The following PTCH1 variants were observed in gnomAD, a reference collection of about 807,000 sequenced individuals.
PTCH1 encodes protein patched homolog 1.
Under a neutral mutation model 144.6 loss-of-function variants are expected in PTCH1, and 14 were observed. The ratio of observed to expected loss-of-function variants is 0.10; its 90% CI spans 0.06 to 0.15. PTCH1 has a LOEUF of 0.15. Ranked by LOEUF, PTCH1 falls within the 10% of genes least tolerant of loss-of-function variation. The pLI is 1.00. For missense variants in PTCH1, 1,623 were observed against 1,948.3 expected (o/e 0.83, Z 3.14); for synonymous variants, 833 against 793.6 (o/e 1.05, Z -0.83).
rs574688 is a variant in PTCH1 at position 95,476,908 on chromosome 9, G to C, written c.1504-51C>G. 381,992 of 1,546,270 alleles carry C rather than the reference G, an allele frequency of 0.25. 50,096 individuals carry two copies. The highest frequency in any genetic ancestry group is 0.27 in the South Asian group (23,913 of 87,464). Reference sequence around the variant, plus strand: ...CATTAGACATGCGAGATGCAATTCAGATGATTCTAAAGCTAGTTAGGACTC... The same window carrying C: ...CATTAGACATGCGAGATGCAATTCACATGATTCTAAAGCTAGTTAGGACTC... On this transcript the variant is annotated intron_variant, in intron 10 of 23. Transcript: ENST00000331920. This position sits in a 1 kb window ranked among gnomAD's most constrained non-coding sequence, Gnocchi z 4.6.
In PTCH1 at chr9:95,446,342, G is replaced by C; in HGVS notation, c.*51C>G. The C allele has an allele frequency of 7.7e-6, 4 of 517,794 alleles. No individual in the cohort carries two copies. The highest frequency in any genetic ancestry group is 1.2e-5 in the Non-Finnish European group (3 of 259,450). The allele number at this position is 517,794 out of a possible 1,614,324, so 32.1% of individuals were successfully genotyped here. The stretch of plus-strand genomic sequence containing the variant: ...TTCAAGCAGTTCTGGAAAGAGGTGG[G>C]GGTGGGGGGTTTCCAATCTTTGGCC... On this transcript the variant is annotated 3_prime_UTR_variant, in exon 24 of 24. Coordinates refer to ENST00000331920, the MANE Select transcript of PTCH1 (RefSeq NM_000264.5).
At chr9:95,491,780 C>G (rs1362976773) in intron 2 of PTCH1, among the ~76,000 whole-genome samples, 6 of 152,190 alleles carry the variant, frequency 3.9e-5, no homozygotes, top group African/African-American at 1.4e-4. Flanking sequence ...CCAAAACCTT[C>G]CTGAGTGCCA....
At chr9:95,457,881 A>G in intron 18 of PTCH1, 132 bp downstream of exon 18, 2 of 1,269,460 alleles carry the variant, frequency 1.6e-6, no homozygotes. Context: ...CCTCGAGTAG[A>G]ATAAACATAT....
At position 95,453,113 on chromosome 9, in the gene PTCH1, C is replaced by A. The variant is rs141384236; in HGVS notation, c.3449+365G>T. ...ACCAGATACAGAAGGAAATAAGCAA[C>A]GAAGATCACCTGAGCTAATAACAAT... is the stretch of plus-strand genomic sequence containing the variant. On this transcript the variant is annotated intron_variant, in intron 20 of 23. Transcript: ENST00000331920. 153 of 344,590 alleles carry A rather than the reference C, an allele frequency of 4.4e-4. 1 individual carries two copies. Among genetic ancestry groups the A allele is most frequent in the African/African-American group, 2.9e-3 (135 of 46,842 alleles). 21.3% of individuals were successfully genotyped at this position (344,590 alleles called of 1,614,324 possible).
chr9:95,514,442 T>C (rs1373180871), intron 1 of PTCH1: 1 of 152,238 alleles, frequency 6.6e-6, no homozygotes, highest in South Asian at 2.1e-4. Context: ...CATGATCCCT[T>C]TGACCCACTG....
intron 2 of PTCH1, among the ~76,000 whole-genome samples, chr9:95,493,152 C>T (rs1339982284): frequency 6.6e-6 from 1 of 152,202 alleles, no homozygotes; most frequent in South Asian, 2.1e-4. Context: ...GAGGCCCATA[C>T]TTCTAGGCCA....
chr9:95,447,396 T>C lies in PTCH1; in HGVS notation c.3860A>G (p.His1287Arg). The C allele has an allele frequency of 6.2e-7, 1 of 1,609,122 alleles. No individual in the cohort carries two copies. Among genetic ancestry groups the C allele is most frequent in the Non-Finnish European group, 8.5e-7 (1 of 1,177,666 alleles). ...HPPSNPRQQPHLDSGSLPPGR... is the reference protein window; with the variant it reads ...HPPSNPRQQPRLDSGSLPPGR... ...GGGAGGCAGGGACCCTGAGTCCAGG[T>C]GGGGCTGCTGTCTCGGGTTCGAGGG... is the stretch of plus-strand genomic sequence containing the variant. The change falls in exon 23 of 24, where the codon CAC (histidine) becomes CGC (arginine). Residue 1287 changes from histidine (H) to arginine (R), a missense_variant. Around this residue, in one of 7 missense-constraint regions of PTCH1, gnomAD observed 291 missense variants for 287.4 expected, o/e 1.01. Transcript: ENST00000331920.
intron 9 of PTCH1, 44 bp downstream of exon 9, chr9:95,478,011 C>G: frequency 6.2e-7 from 1 of 1,613,980 alleles, no homozygotes; most frequent in Non-Finnish European, 8.5e-7. Context: ...ACTAAAACAA[C>G]CAAACCAAAC....
chr9:95,510,332 C>G (rs897536553), upstream of PTCH1, among the ~76,000 whole-genome samples: 1 of 152,070 alleles, frequency 6.6e-6, no homozygotes, highest in African/African-American at 2.4e-5. Flanking sequence ...ATAAATGCCC[C>G]GATGCTGGAT....
intron 1 of PTCH1, among the ~76,000 whole-genome samples, chr9:95,515,347 C>T (rs942254724): frequency 2.0e-5 from 3 of 152,148 alleles, no homozygotes; most frequent in African/African-American, 7.2e-5. Flanking sequence ...TTTTGTATTT[C>T]TCCTCCCCAG....
intron 7 of PTCH1, chr9:95,479,718 T>C (rs1374428697): frequency 5.0e-6 from 3 of 599,266 alleles, no homozygotes; most frequent in African/African-American, 3.7e-5. Flanking sequence ...GCAGATCTCC[T>C]TAAACCCTAT....
chr9:95,477,913 A>G, intron 9 of PTCH1, 142 bp downstream of exon 9: 1 of 1,502,464 alleles, frequency 6.7e-7, no homozygotes, highest in Non-Finnish European at 9.1e-7. Flanking sequence ...CCACTTTTAA[A>G]CCACTGTGAA....
chr9:95,480,207 A>G, intron 6 of PTCH1, 117 bp from the exon 7 acceptor site: 1 of 1,557,904 alleles, frequency 6.4e-7, no homozygotes, highest in Non-Finnish European at 8.8e-7. Context: ...TAGCAAGGCT[A>G]ATGGGAGGTG....
intron 12 of PTCH1, chr9:95,474,027 C>G: frequency 2.1e-6 from 1 of 471,270 alleles, no homozygotes; most frequent in Non-Finnish European, 4.3e-6. Flanking sequence ...GAGAATTTAG[C>G]GCACTGGATT....
intron 16 of PTCH1, among the ~76,000 whole-genome samples, chr9:95,461,176 GTATGCTGGAA>G (rs1313778113): frequency 6.6e-6 from 1 of 152,124 alleles, no homozygotes; most frequent in South Asian, 2.1e-4. Context: ...ACCAAAAGGG[GTATGCTGGAA>G]TCCAAATGGC....
At chr9:95,501,577 TCTTC>T (rs1346269310) in intron 2 of PTCH1, among the ~76,000 whole-genome samples, 1 of 152,060 alleles carries the variant, frequency 6.6e-6, no homozygotes, top group African/African-American at 2.4e-5. Flanking sequence ...CTTGCCTCCT[TCTTC>T]CTTGACGCTG....
chr9:95,516,145 G>A (rs1412724053), intron 1 of PTCH1, among the ~76,000 whole-genome samples: 2 of 151,630 alleles, frequency 1.3e-5, no homozygotes, highest in East Asian at 1.9e-4. Flanking sequence ...GACCCCCTCC[G>A]TGAGAATTCC....
intron 8 of PTCH1, 61 bp downstream of exon 8, chr9:95,478,939 T>C: frequency 6.2e-7 from 1 of 1,609,606 alleles, no homozygotes; most frequent in Non-Finnish European, 8.5e-7. Context: ...TTTTAAATAA[T>C]GGTGAAAATG....
intron 18 of PTCH1, 146 bp from the exon 19 acceptor site, chr9:95,456,559 TA>T (rs1455846221): frequency 6.1e-5 from 70 of 1,143,318 alleles, no homozygotes; most frequent in Non-Finnish European, 8.6e-5. Context: ...ACACTGCCTT[TA>T]CTGCCTAATT....
Sources: gnomAD v4.1 joint callset for allele counts (sites outside exome capture counted in the v4.1 genomes callset) on GRCh38, gnomAD v4.1.1 for gene constraint, gnomAD v4.1.1 regional missense constraint, Gnocchi (gnomAD v3.1) non-coding constraint, MANE v1.5 for transcripts, NCBI Gene and HGNC (gene_info 2026-07-23, HGNC 2026-07-21) for gene names.